Variants in FBXO45 observed in about 807,000 individuals in gnomAD.
FBXO45 encodes the protein F-box/SPRY domain-containing protein 1.
In FBXO45, 3 loss-of-function variants were observed where a neutral mutation model predicts 25.5. That is an observed-to-expected ratio of 0.12 (90% CI 0.05 to 0.30). FBXO45 has a LOEUF of 0.30. Ranked by LOEUF, FBXO45 falls within the 10% of genes least tolerant of loss-of-function variation. The pLI is 1.00. For missense variants in FBXO45, 219 were observed against 365.0 expected (o/e 0.60, Z 3.26); for synonymous variants, 155 against 149.8 (o/e 1.03, Z -0.25).
chr3:196,575,196 C>T (rs1332350427), intron 1 of FBXO45, among the ~76,000 whole-genome samples: 10 of 152,196 alleles, frequency 6.6e-5, no homozygotes, highest in African/African-American at 2.4e-4. Flanking sequence ...TGGCTCACGC[C>T]TGTAATCCCA....
At chr3:196,577,036 T>C (rs969474893) in intron 1 of FBXO45, among the ~76,000 whole-genome samples, 3 of 152,196 alleles carry the variant, frequency 2.0e-5, no homozygotes, top group Non-Finnish European at 4.4e-5. Flanking sequence ...GCTTTGCCAA[T>C]GATTAATTTA....
intron 2 of FBXO45, among the ~76,000 whole-genome samples, chr3:196,582,119 A>T (rs904443363): frequency 6.6e-6 from 1 of 152,110 alleles, no homozygotes; most frequent in Non-Finnish European, 1.5e-5. Context: ...TTACCCCAGC[A>T]CCTAAAGATG....
intron 1 of FBXO45, among the ~76,000 whole-genome samples, chr3:196,571,202 T>C (rs1270898381): frequency 6.6e-6 from 1 of 152,158 alleles, no homozygotes; most frequent in Non-Finnish European, 1.5e-5. Flanking sequence ...TTATTGTTTT[T>C]ACTTATTTTA....
chr3:196,575,271 C>T (rs1735893552), intron 1 of FBXO45, among the ~76,000 whole-genome samples: 1 of 152,048 alleles, frequency 6.6e-6, no homozygotes, highest in Admixed American at 6.6e-5. Flanking sequence ...GCCTGGCCAA[C>T]ATGGTGAAAC....
chr3:196,572,975 G>T (rs1735854215), intron 1 of FBXO45, among the ~76,000 whole-genome samples: 1 of 152,116 alleles, frequency 6.6e-6, no homozygotes, highest in Non-Finnish European at 1.5e-5. Context: ...TGGCTGGAGT[G>T]CAGTGGAATG....
In FBXO45 at chr3:196,586,637, C is replaced by T. The variant is rs181098361; in HGVS notation, c.*2319C>T. ...GTCATTGGTGCTGAGGAGAGCATTT[C>T]GGTAGAAGACAGTTGCGCCTGAAGA... On this transcript the variant is annotated 3_prime_UTR_variant, in exon 3 of 3. Coordinates refer to ENST00000311630, the MANE Select transcript of FBXO45 (RefSeq NM_001105573.2). 7 of 152,222 alleles carry T rather than the reference C, an allele frequency of 4.6e-5. No individual in the cohort carries two copies. Among genetic ancestry groups the T allele is most frequent in the African/African-American group, 1.7e-4 (7 of 41,506 alleles). 9.4% of individuals were successfully genotyped at this position (152,222 alleles called of 1,614,324 possible). A position where few individuals can be genotyped will look rare whatever the true frequency, so the allele number is the denominator to read the frequency against.
intron 1 of FBXO45, 145 bp from the exon 2 acceptor site, chr3:196,577,308 C>G: frequency 1.6e-6 from 1 of 640,012 alleles, no homozygotes; most frequent in Non-Finnish European, 2.5e-6. Context: ...CATCCTGAAA[C>G]TTCAGCCATT....
chr3:196,581,209 T>TTTTTTTC (rs1736004167), intron 2 of FBXO45, among the ~76,000 whole-genome samples: 1 of 148,724 alleles, frequency 6.7e-6, no homozygotes, highest in East Asian at 2.0e-4. Flanking sequence ...AGAATTTCCT[T>TTTTTTTC]TTTTTTCTTT....
intron 2 of FBXO45, among the ~76,000 whole-genome samples, chr3:196,580,141 C>T (rs150905530): frequency 6.6e-5 from 10 of 151,632 alleles, no homozygotes; most frequent in Admixed American, 5.9e-4. Flanking sequence ...TAGAGGCATG[C>T]GCCTCTAAAC....
chr3:196,578,695 A>G (rs1419515441), intron 2 of FBXO45, among the ~76,000 whole-genome samples: 2 of 152,166 alleles, frequency 1.3e-5, no homozygotes, highest in African/African-American at 4.8e-5. Context: ...CATGCTCTAT[A>G]TCAAGCTTGT....
At chr3:196,573,938 CTT>C (rs34587292) in intron 1 of FBXO45, among the ~76,000 whole-genome samples, 8 of 125,738 alleles carry the variant, frequency 6.4e-5, no homozygotes, top group Admixed American at 8.6e-5. Flanking sequence ...CTTTATTTTC[CTT>C]TTTTTTTTTT....
intron 2 of FBXO45, among the ~76,000 whole-genome samples, chr3:196,583,290 G>A (rs1007148221): frequency 6.6e-6 from 1 of 152,074 alleles, no homozygotes; most frequent in African/African-American, 2.4e-5. Flanking sequence ...GGTGGATCAC[G>A]AGGTCAGGAG....
intron 1 of FBXO45, among the ~76,000 whole-genome samples, chr3:196,571,067 G>A (rs1358074108): frequency 8.5e-5 from 13 of 152,154 alleles, no homozygotes; most frequent in Admixed American, 8.5e-4. Context: ...GTTTGTGCGT[G>A]GTGGCTATTC....
chr3:196,570,824 G>A (rs1269165090), intron 1 of FBXO45, among the ~76,000 whole-genome samples: 1 of 149,188 alleles, frequency 6.7e-6, no homozygotes, highest in Non-Finnish European at 1.5e-5. Flanking sequence ...CCATTCTCCT[G>A]CCTCAGCCTC....
intron 1 of FBXO45, among the ~76,000 whole-genome samples, chr3:196,575,212 T>TG (rs1200492355): frequency 1.3e-5 from 2 of 152,192 alleles, no homozygotes; most frequent in Non-Finnish European, 2.9e-5. Flanking sequence ...TCCCAGCACT[T>TG]GCGGAGGCCA....
At chr3:196,583,066 ATATTTGAG>A (rs1259190983) in intron 2 of FBXO45, among the ~76,000 whole-genome samples, 1 of 152,054 alleles carries the variant, frequency 6.6e-6, no homozygotes, top group African/African-American at 2.4e-5. Context: ...ACAACTATAT[ATATTTGAG>A]TATTCTAGAT....
rs1296969381 is a variant in FBXO45, at chr3:196,577,540, C to A, written c.406C>A (p.Pro136Thr). Residue 136 changes from proline (P) to threonine (T), a missense_variant, in exon 2 of 3, where the codon CCC becomes ACC. By Grantham distance (38) the Pro-to-Thr change is conservative. Transcript: ENST00000311630. ...KKNGFTLHRN[P>T]IAQSTDGART... ...GAATGGCTTTACTTTACATCGAAAC[C>A]CCATTGCTCAGAGCACTGATGGTGC... The A allele has an allele frequency of 6.2e-7, 1 of 1,613,842 alleles. No homozygotes were observed.
Position 196,584,404 on chromosome 3 carries a change from T to A in FBXO45, c.*86T>A, listed in dbSNP as rs1269422459. On this transcript the variant is annotated 3_prime_UTR_variant, in exon 3 of 3. Transcript: ENST00000311630. The surrounding 1 kb of genome is among the most constrained non-coding windows in gnomAD (Gnocchi z 4.3). ...CCATGAAGTGACTGTCACACATGCA[T>A]GTCCAAGAAACATCCTGAAAACACA... 11 of 1,203,178 alleles carry A rather than the reference T, an allele frequency of 9.1e-6. No homozygotes were observed. Among genetic ancestry groups the A allele is most frequent in the Middle Eastern group, 3.9e-4 (2 of 5,160 alleles). 74.5% of individuals were successfully genotyped at this position (1,203,178 alleles called of 1,614,324 possible).
intron 2 of FBXO45, among the ~76,000 whole-genome samples, chr3:196,578,327 G>A (rs1457185673): frequency 6.6e-6 from 1 of 152,032 alleles, no homozygotes; most frequent in African/African-American, 2.4e-5. Context: ...GAGCCACCAT[G>A]CCCAGCCTCA....
Sources: allele counts gnomAD v4.1 joint callset (sites outside exome capture counted in the v4.1 genomes callset), GRCh38; gene constraint gnomAD v4.1.1; non-coding constraint Gnocchi (gnomAD v3.1); transcripts MANE v1.5; gene names NCBI Gene and HGNC (gene_info 2026-07-23, HGNC 2026-07-21).